The following LCN12 variants were observed in gnomAD, a reference collection of about 807,000 sequenced individuals.
LCN12 encodes lipocalin 12.
A neutral mutation model predicts 23.7 loss-of-function variants in LCN12; 15 were observed. The ratio of observed to expected loss-of-function variants is 0.63; its 90% CI spans 0.42 to 0.97. LCN12 has a LOEUF of 0.97. Among genes scored for constraint, LCN12 ranks in the 50% least tolerant of loss-of-function variants. The probability of loss-of-function intolerance (pLI) is 0.00; values close to 1 mark genes in which losing one functional copy is unlikely to be tolerated. For synonymous variants in LCN12, 116 were observed against 111.5 expected (o/e 1.04, Z -0.25); for missense variants, 219 against 249.6 (o/e 0.88, Z 0.83).
Position 136,955,405 on chromosome 9 carries a change from G to A in LCN12, c.*6G>A. The A allele has an allele frequency of 6.2e-7, 1 of 1,613,038 alleles. No homozygotes were observed. The highest frequency in any genetic ancestry group is 8.5e-7 in the Non-Finnish European group (1 of 1,179,642). ...CCCAGGCCAGCGTCTGTTGAAGGAT[G>A]AAGCAGCTCCTGTCCGGCCCAGCCC... On this transcript the variant is annotated 3_prime_UTR_variant, in exon 6 of 6. Transcript: ENST00000371633.
At chr9:136,955,350 C>T (rs375114941) in intron 5 of LCN12, 21 bp from the exon 6 acceptor site, 27 of 1,612,380 alleles carry the variant, frequency 1.7e-5, no homozygotes, top group East Asian at 2.2e-5. Flanking sequence ...TCCTCCATCC[C>T]GACTCCATCT....
At chr9:136,953,427 G>T (rs889243251) in intron 2 of LCN12, 5 of 449,068 alleles carry the variant, frequency 1.1e-5, no homozygotes, top group South Asian at 4.8e-5. Flanking sequence ...GCGCGGTGGC[G>T]CACACCTGTA....
intron 2 of LCN12, 28 bp from the exon 3 acceptor site, chr9:136,953,671 CT>C: frequency 6.6e-7 from 1 of 1,521,666 alleles, no homozygotes; most frequent in Non-Finnish European, 8.9e-7. Flanking sequence ...CTTCCGGAGC[CT>C]TCCGCCTCCA....
At chr9:136,953,806 G>A (rs375293009) in intron 3 of LCN12, 27 bp downstream of exon 3, 125 of 1,600,058 alleles carry the variant, frequency 7.8e-5, no homozygotes, top group Admixed American at 1.4e-4. Context: ...AGGGAGGGAC[G>A]GGGTGCTGGC....
At chr9:136,950,072 G>A (rs901619204), upstream of LCN12, among the ~76,000 whole-genome samples, 4 of 150,938 alleles carry the variant, frequency 2.7e-5, no homozygotes, top group South Asian at 2.2e-4. Context: ...CGTCCTGCAC[G>A]GCCCGTTCCA....
At chr9:136,954,722 A>G in intron 5 of LCN12, 1 of 1,290,804 alleles carries the variant, frequency 7.7e-7, no homozygotes, top group Non-Finnish European at 1.0e-6. Context: ...GACTCATCCC[A>G]GGAGGTGCCC....
chr9:136,950,389 C>A (rs1851124958), upstream of LCN12, among the ~76,000 whole-genome samples: 1 of 152,148 alleles, frequency 6.6e-6, no homozygotes, highest in Non-Finnish European at 1.5e-5. Flanking sequence ...AGCCGAGGGA[C>A]CCTCCTCTGT....
chr9:136,950,522 C>G (rs1851128644), upstream of LCN12, among the ~76,000 whole-genome samples: 1 of 152,190 alleles, frequency 6.6e-6, no homozygotes, highest in Admixed American at 6.5e-5. Context: ...GGGGACTGTC[C>G]TGTACATGGG....
chr9:136,953,639 C>T, intron 2 of LCN12, 61 bp from the exon 3 acceptor site: 1 of 1,288,390 alleles, frequency 7.8e-7, no homozygotes, highest in Non-Finnish European at 1.1e-6. Flanking sequence ...CTGAGGGGCC[C>T]ACCTCAGCAT....
At chr9:136,952,262 G>A, upstream of LCN12, 1 of 1,143,956 alleles carries the variant, frequency 8.7e-7, no homozygotes, top group Non-Finnish European at 1.3e-6. Context: ...GAAGAGGTGG[G>A]TCTCTGGGTC....
intron 5 of LCN12, chr9:136,954,922 ACACT>A (rs1851287524): frequency 8.1e-6 from 10 of 1,232,964 alleles, no homozygotes; most frequent in South Asian, 1.5e-5. Context: ...ACATGCACAC[ACACT>A]CACGCATGAG....
chr9:136,953,015 A>G lies in LCN12; in HGVS notation c.238A>G (p.Asn80Asp). 6.2e-7 allele frequency: 1 copy of G among 1,613,988 alleles called. No individual in the cohort carries two copies. The highest frequency in any genetic ancestry group is 1.7e-5 in the Admixed American group (1 of 60,026). The change falls in exon 2 of 6, where the codon AAT becomes GAT. Residue 80 changes from asparagine (N) to aspartate (D), a missense_variant. Asn to Asp is a conservative substitution (Grantham distance 23, BLOSUM62 1). Coordinates refer to ENST00000371633, the MANE Select transcript of LCN12 (RefSeq NM_178536.4). ...TGATGATGGCCGCTTTGAGGTGTGGAATGCGATGACTCGGTGAGTGGCTGT... is the reference window on the plus strand; with the variant it reads ...TGATGATGGCCGCTTTGAGGTGTGGGATGCGATGACTCGGTGAGTGGCTGT... ...LSDDGRFEVW[N>D]AMTRGQHCDT...
At chr9:136,952,194 G>C, upstream of LCN12, 1 of 695,676 alleles carries the variant, frequency 1.4e-6, no homozygotes, top group Non-Finnish European at 2.6e-6. Flanking sequence ...TGCCAGTCCT[G>C]AGGAGGGAGG....
At chr9:136,955,313 T>A in intron 5 of LCN12, 58 bp from the exon 6 acceptor site, 1 of 1,587,572 alleles carries the variant, frequency 6.3e-7, no homozygotes, top group Non-Finnish European at 8.6e-7. Context: ...TGCTTCCTCC[T>A]GGGCTCTGTC....
At chr9:136,953,135 C>A in intron 2 of LCN12, 107 bp downstream of exon 2, 3 of 1,439,300 alleles carry the variant, frequency 2.1e-6, no homozygotes, top group Non-Finnish European at 2.9e-6. Flanking sequence ...GCACAGGCAG[C>A]TTCATGACTC....
chr9:136,954,255 G>T lies in LCN12; in HGVS notation c.550G>T (p.Gly184Cys). 3 of 1,563,720 alleles carry T rather than the reference G, an allele frequency of 1.9e-6. No individual in the cohort carries two copies. Residue 184 changes from glycine (G) to cysteine (C), a missense_variant and splice_region_variant, in exon 5 of 6, where the codon GGC (glycine) becomes TGC (cysteine). Coordinates refer to ENST00000371633, the MANE Select transcript of LCN12 (RefSeq NM_178536.4). The part of the protein sequence containing the change: ...DDNIVFPDVT[G>C]WSPQASVC Reference sequence around the variant, plus strand: ...CAACATCGTCTTCCCAGATGTGACTGGTAACATGGTTCACCTGCAGGCATG... The same window carrying T: ...CAACATCGTCTTCCCAGATGTGACTTGTAACATGGTTCACCTGCAGGCATG...
upstream of LCN12, among the ~76,000 whole-genome samples, chr9:136,950,840 T>A (rs1482409838): frequency 6.6e-6 from 1 of 152,164 alleles, no homozygotes; most frequent in Non-Finnish European, 1.5e-5. Flanking sequence ...CCTGGAGCCC[T>A]GAAGTCCTGG....
Position 136,955,356 on chromosome 9 carries a change from C to A in LCN12, c.551-15C>A. ...CCCCCTTTGTCCTCCATCCCGACTC[C>A]ATCTCCCCCACCAGGCTGGTCACCC... On this transcript the variant is annotated splice_polypyrimidine_tract_variant and intron_variant, in intron 5 of 5. Transcript: ENST00000371633. The A allele has an allele frequency of 6.2e-7, 1 of 1,613,052 alleles. No individual in the cohort carries two copies. The highest frequency in any genetic ancestry group is 8.5e-7 in the Non-Finnish European group (1 of 1,179,500).
downstream of LCN12, among the ~76,000 whole-genome samples, chr9:136,955,829 G>C (rs765049008): frequency 1.3e-5 from 2 of 152,194 alleles, no homozygotes; most frequent in Non-Finnish European, 2.9e-5. Flanking sequence ...AGATGCAGCC[G>C]GGCTGGAGCT....
Sources: gnomAD v4.1 joint callset for allele counts (sites outside exome capture counted in the v4.1 genomes callset) on GRCh38, gnomAD v4.1.1 for gene constraint, MANE v1.5 for transcripts, NCBI Gene and HGNC (gene_info 2026-07-23, HGNC 2026-07-21) for gene names.